The following RGS6 variants were observed in gnomAD, a reference collection of about 807,000 sequenced individuals.
RGS6 encodes the protein regulator of G-protein signaling 6.
A neutral mutation model predicts 78.5 loss-of-function variants in RGS6; 30 were observed. That is an observed-to-expected ratio of 0.38 (90% CI 0.29 to 0.52). RGS6 has a LOEUF of 0.52. Ranked by LOEUF, RGS6 falls within the 20% of genes least tolerant of loss-of-function variation. The pLI is 0.85. For synonymous variants in RGS6, 206 were observed against 206.0 expected (o/e 1.00, Z 0.00); for missense variants, 495 against 609.7 (o/e 0.81, Z 1.98).
At chr14:72,138,178 G>T (rs1338366667) in intron 2 of RGS6, among the ~76,000 whole-genome samples, 3 of 152,186 alleles carry the variant, frequency 2.0e-5, no homozygotes, top group South Asian at 4.2e-4. Context: ...TACAAATATG[G>T]AATCTTCAAA....
At chr14:72,046,213 T>G (rs1375423552) in intron 2 of RGS6, among the ~76,000 whole-genome samples, 3 of 151,810 alleles carry the variant, frequency 2.0e-5, no homozygotes, top group Middle Eastern at 3.2e-3. Flanking sequence ...GGTTTTTTTT[T>G]TTTTTTTTTT....
At chr14:72,395,223 A>G (rs2090933210) in intron 3 of RGS6, among the ~76,000 whole-genome samples, 1 of 152,180 alleles carries the variant, frequency 6.6e-6, no homozygotes, top group Non-Finnish European at 1.5e-5. Flanking sequence ...AAAAGAAAAG[A>G]GTAAAATCAT....
chr14:72,283,604 C>T (rs1055761247), intron 2 of RGS6, among the ~76,000 whole-genome samples: 4 of 152,182 alleles, frequency 2.6e-5, no homozygotes, highest in Admixed American at 1.3e-4. Context: ...GATTGTGAGG[C>T]ACCCCACCCC....
At chr14:72,479,517 C>T (rs113963906) in intron 12 of RGS6, among the ~76,000 whole-genome samples, 2 of 152,188 alleles carry the variant, frequency 1.3e-5, no homozygotes, top group African/African-American at 4.8e-5. Context: ...TGCCAAATGT[C>T]CCCTGGGTGG....
rs2093414059 is a variant in RGS6, at chr14:72,053,075, CCCTCCCTTCCTTCCTTCCTTCCTTCCTT to C, written c.84+88204_84+88231del. Among the ~76,000 whole-genome samples, 9 of 12,434 alleles carry C rather than the reference CCCTCCCTTCCTTCCTTCCTTCCTTCCTT, an allele frequency of 7.2e-4. 1 individual carries two copies. In the South Asian group the frequency reaches 0.02, roughly 27 times the overall value. 8.2% of individuals were successfully genotyped at this position (12,434 alleles called of 152,430 possible). A position where few individuals can be genotyped will look rare whatever the true frequency, so the allele number is the denominator to read the frequency against. On this transcript the variant is annotated intron_variant, in intron 2 of 17. Transcript: ENST00000553525. ...TCCCTCCCTCCCTCCCTCCCTCCCT[CCCTCCCTTCCTTCCTTCCTTCCTTCCTT>C]CCTTCCTTCCTTCCTTCCTTCCTTC...
the RGS6 span, among the ~76,000 whole-genome samples, chr14:71,905,414 C>T: frequency 5.6e-3 from 850 of 152,276 alleles, 13 homozygotes; most frequent in African/African-American, 0.02. Flanking sequence ...TTACTAAAAG[C>T]CCAATTCAGA....
chr14:72,323,477 A>C (rs1203897896), intron 2 of RGS6, among the ~76,000 whole-genome samples: 7 of 151,690 alleles, frequency 4.6e-5, no homozygotes, highest in Admixed American at 4.6e-4. Context: ...TAGATTCTAA[A>C]GTTCAAGAAC....
chr14:72,547,654 AC>A (rs1374513087), intron 17 of RGS6, among the ~76,000 whole-genome samples: 1 of 151,870 alleles, frequency 6.6e-6, no homozygotes, highest in Admixed American at 6.6e-5. Context: ...TGAGAGAAAG[AC>A]CCTTGGGTGT....
Position 72,172,005 on chromosome 14 carries a change from T to G in RGS6, c.85-180090T>G, listed in dbSNP as rs1047492216. ...GCAGGGTCGATGAGCTTGCCATGCCTCTTGGTCATTCCCTAAGGTGTGGCA... is the reference window on the plus strand; with the variant it reads ...GCAGGGTCGATGAGCTTGCCATGCCGCTTGGTCATTCCCTAAGGTGTGGCA... On this transcript the variant is annotated intron_variant, in intron 2 of 17. Transcript: ENST00000553525. Among the ~76,000 whole-genome samples the G allele has an allele frequency of 3.9e-5, 6 of 152,290 alleles. No homozygotes were observed. In the South Asian group the frequency reaches 6.2e-4, roughly 16 times the overall value.
At position 72,144,562 on chromosome 14, in the gene RGS6, A is replaced by G. The variant is rs570285475; in HGVS notation, c.84+179687A>G. ...TGGCATTCTCCATTTATTCGTATTTATCGAAAATCTATTTGGAGCAAGGTA... is the reference window on the plus strand; with the variant it reads ...TGGCATTCTCCATTTATTCGTATTTGTCGAAAATCTATTTGGAGCAAGGTA... On this transcript the variant is annotated intron_variant, in intron 2 of 17. Coordinates refer to ENST00000553525, the MANE Select transcript of RGS6 (RefSeq NM_001204424.2). 2.0e-5 allele frequency among the ~76,000 whole-genome samples: 3 copies of G among 152,260 alleles called. No homozygotes were observed. In the East Asian group the frequency reaches 5.8e-4, roughly 29 times the overall value.
At chr14:72,217,707 G>A (rs964634302) in intron 2 of RGS6, among the ~76,000 whole-genome samples, 3 of 152,086 alleles carry the variant, frequency 2.0e-5, no homozygotes, top group Non-Finnish European at 4.4e-5. Context: ...GTGAGCATGA[G>A]CATCCTTCCA....
chr14:72,540,099 G>A lies in RGS6; in HGVS notation c.1422+5G>A. ...GAAAAGTTCACTCGCAGTGTGGTAA[G>A]TTCAGTCGGTTTTCTTCCCTCAGCT... On this transcript the variant is annotated splice_donor_5th_base_variant and intron_variant, in intron 17 of 17. Coordinates refer to ENST00000553525, the MANE Select transcript of RGS6 (RefSeq NM_001204424.2). 3.2e-6 allele frequency: 5 copies of A among 1,585,838 alleles called. No homozygotes were observed. Among genetic ancestry groups the A allele is most frequent in the Non-Finnish European group, 4.3e-6 (5 of 1,176,254 alleles).
upstream of RGS6, among the ~76,000 whole-genome samples, chr14:71,930,314 TTTAC>T (rs199626490): frequency 3.4e-3 from 513 of 152,270 alleles, 1 homozygote; most frequent in African/African-American, 0.011. Flanking sequence ...TCTTAATGTA[TTTAC>T]TTCTTTGCTC....
chr14:72,165,367 A>T (rs2096910618), intron 2 of RGS6, among the ~76,000 whole-genome samples: 1 of 152,240 alleles, frequency 6.6e-6, no homozygotes, highest in Non-Finnish European at 1.5e-5. Flanking sequence ...TAGTTGCATC[A>T]TCATGAGGAA....
At chr14:72,052,119 G>A (rs1483620575) in intron 2 of RGS6, among the ~76,000 whole-genome samples, 3 of 152,062 alleles carry the variant, frequency 2.0e-5, no homozygotes, top group African/African-American at 4.8e-5. Context: ...TCCAACTCTA[G>A]AGACTTGAAA....
intron 4 of RGS6, among the ~76,000 whole-genome samples, chr14:72,456,304 T>G (rs981330205): frequency 5.3e-5 from 8 of 152,188 alleles, no homozygotes; most frequent in African/African-American, 1.9e-4. Context: ...TATTTTTTGG[T>G]TTTTGAGGCA....
intron 15 of RGS6, among the ~76,000 whole-genome samples, chr14:72,526,813 C>G (rs1255319473): frequency 1.3e-5 from 2 of 152,206 alleles, no homozygotes; most frequent in South Asian, 4.1e-4. Context: ...TCTGTTGCCT[C>G]TTCTATGTTT....
chr14:72,152,239 AGAGAGAGTGTGT>A (rs1481611212), intron 2 of RGS6, among the ~76,000 whole-genome samples: 3 of 142,450 alleles, frequency 2.1e-5, no homozygotes, highest in African/African-American at 8.0e-5. Context: ...AGAGAGAGAG[AGAGAGAGTGTGT>A]GTGTGTGTGT....
At chr14:72,384,990 T>C (rs1387421797) in intron 3 of RGS6, among the ~76,000 whole-genome samples, 1 of 152,110 alleles carries the variant, frequency 6.6e-6, no homozygotes. Flanking sequence ...GACCTCCTGA[T>C]CCACCCATCT....
Sources: gnomAD v4.1 joint callset for allele counts (sites outside exome capture counted in the v4.1 genomes callset) on GRCh38, gnomAD v4.1.1 for gene constraint, MANE v1.5 for transcripts, NCBI Gene and HGNC (gene_info 2026-07-23, HGNC 2026-07-21) for gene names.